The following GALNTL6 variants were observed in gnomAD, a reference collection of about 807,000 sequenced individuals.
The protein encoded by GALNTL6 is polypeptide N-acetylgalactosaminyltransferase-like 6.
A neutral mutation model predicts 73.7 loss-of-function variants in GALNTL6; 46 were observed. That is an observed-to-expected ratio of 0.62 (90% CI 0.49 to 0.80). GALNTL6 has a LOEUF of 0.80. Among genes scored for constraint, GALNTL6 ranks in the 30% least tolerant of loss-of-function variants. The pLI is 0.00. For synonymous variants in GALNTL6, 259 were observed against 263.7 expected, an observed-to-expected ratio of 0.98 and a Z score of 0.17; for missense variants, 604 against 755.0, an observed-to-expected ratio of 0.80 and a Z score of 2.34.
intron 5 of GALNTL6, among the ~76,000 whole-genome samples, chr4:172,715,713 G>T (rs1395095467): frequency 6.6e-6 from 1 of 152,040 alleles, no homozygotes; most frequent in Non-Finnish European, 1.5e-5. Context: ...TGATTTATTT[G>T]CTACTTTTTA....
chr4:172,281,497 C>T (rs1443597594), intron 3 of GALNTL6, among the ~76,000 whole-genome samples: 1 of 152,042 alleles, frequency 6.6e-6, no homozygotes, highest in Non-Finnish European at 1.5e-5. Flanking sequence ...GAGTTCAAGA[C>T]CAGCCTGGCA....
chr4:173,008,789 C>G (rs1433728312), intron 10 of GALNTL6, among the ~76,000 whole-genome samples: 1 of 152,168 alleles, frequency 6.6e-6, no homozygotes. Context: ...CACTGGAATT[C>G]AATATCTGCT....
chr4:172,049,622 C>T (rs1472149166), intron 2 of GALNTL6, among the ~76,000 whole-genome samples: 1 of 152,074 alleles, frequency 6.6e-6, no homozygotes, highest in South Asian at 2.1e-4. Flanking sequence ...TTCTCAAGAC[C>T]ACGTTTATTC....
At chr4:172,585,672 T>C (rs1737383233) in intron 5 of GALNTL6, among the ~76,000 whole-genome samples, 3 of 152,166 alleles carry the variant, frequency 2.0e-5, no homozygotes, top group Admixed American at 6.5e-5. Context: ...GGCATTTGAG[T>C]TGGTTCCAAG....
chr4:172,156,541 A>ATATATG (rs1734276378), intron 2 of GALNTL6, among the ~76,000 whole-genome samples: 1 of 7,414 alleles, frequency 1.3e-4, no homozygotes, highest in African/African-American at 2.6e-4. Flanking sequence ...TATATATATA[A>ATATATG]TATATATATA....
At chr4:172,607,250 A>G (rs1040321040) in intron 5 of GALNTL6, among the ~76,000 whole-genome samples, 2 of 152,150 alleles carry the variant, frequency 1.3e-5, no homozygotes, top group African/African-American at 4.8e-5. Context: ...CCAGGTAATA[A>G]GCACAGTATC....
At position 172,465,842 on chromosome 4, in the gene GALNTL6, C is replaced by A. The variant is rs117084157; in HGVS notation, c.553+117153C>A. Reference sequence around the variant, plus strand: ...CACACCTTTTATAAAAAATGTCCAGCAGTTGCATTTAGAAATATGTAATAA... The same window carrying A: ...CACACCTTTTATAAAAAATGTCCAGAAGTTGCATTTAGAAATATGTAATAA... On this transcript the variant is annotated intron_variant, in intron 5 of 12. Transcript: ENST00000506823. Among the ~76,000 whole-genome samples, 7 of 152,284 alleles carry A rather than the reference C, an allele frequency of 4.6e-5. No homozygotes were observed. The East Asian group carries it at 9.7e-4, about 21-fold the overall frequency.
intron 2 of GALNTL6, among the ~76,000 whole-genome samples, chr4:172,162,050 A>G (rs905192449): frequency 6.6e-6 from 1 of 152,070 alleles, no homozygotes; most frequent in African/African-American, 2.4e-5. Flanking sequence ...AAGTCGTACA[A>G]TGTAACAAGA....
chr4:172,625,045 A>G (rs532530674), intron 5 of GALNTL6, among the ~76,000 whole-genome samples: 1 of 151,938 alleles, frequency 6.6e-6, no homozygotes, highest in South Asian at 2.1e-4. Context: ...CGGGGTCTCA[A>G]TTTCTCTCAG....
intron 12 of GALNTL6, 91 bp from the exon 13 acceptor site, chr4:173,039,842 T>C: frequency 2.1e-6 from 2 of 967,088 alleles, no homozygotes; most frequent in South Asian, 1.7e-5. Context: ...TACTGAAATA[T>C]AAACAGAAAT....
intron 2 of GALNTL6, among the ~76,000 whole-genome samples, chr4:171,922,245 C>G (rs1332594376): frequency 2.0e-5 from 3 of 152,032 alleles, no homozygotes; most frequent in Non-Finnish European, 4.4e-5. Context: ...GGTAGTTAGG[C>G]TAATACGCTG....
At chr4:172,457,021 A>G (rs1732423322) in intron 5 of GALNTL6, among the ~76,000 whole-genome samples, 1 of 152,188 alleles carries the variant, frequency 6.6e-6, no homozygotes, top group African/African-American at 2.4e-5. Flanking sequence ...AAACCCTACA[A>G]GCCAGAAGAG....
intron 5 of GALNTL6, among the ~76,000 whole-genome samples, chr4:172,674,897 T>A (rs543504827): frequency 6.6e-6 from 1 of 152,330 alleles, no homozygotes; most frequent in South Asian, 2.1e-4. Flanking sequence ...ACTTTTAACT[T>A]CCTTGCACTG....
chr4:171,996,723 CAA>C (rs35734964), intron 2 of GALNTL6, among the ~76,000 whole-genome samples: 161 of 94,118 alleles, frequency 1.7e-3, no homozygotes, highest in Admixed American at 2.5e-3. Context: ...AGCTGACGAG[CAA>C]AAAAAAAAAA....
At chr4:172,722,009 G>A (rs1240946928) in intron 5 of GALNTL6, among the ~76,000 whole-genome samples, 1 of 147,146 alleles carries the variant, frequency 6.8e-6, no homozygotes. Flanking sequence ...TCCCAAAATC[G>A]TGACTCCCTA....
intron 2 of GALNTL6, among the ~76,000 whole-genome samples, chr4:172,061,487 C>T (rs886525225): frequency 1.3e-5 from 2 of 152,082 alleles, no homozygotes; most frequent in Non-Finnish European, 2.9e-5. Flanking sequence ...AAGAAAAGAA[C>T]TGTTTTGGTC....
chr4:171,844,452 T>A (rs1410795700), intron 2 of GALNTL6, among the ~76,000 whole-genome samples: 1 of 152,198 alleles, frequency 6.6e-6, no homozygotes, highest in East Asian at 1.9e-4. Flanking sequence ...CAAATTTCTG[T>A]GTAGATTGTA....
intron 5 of GALNTL6, among the ~76,000 whole-genome samples, chr4:172,681,150 G>A (rs1489748640): frequency 1.3e-5 from 2 of 152,100 alleles, no homozygotes; most frequent in East Asian, 3.9e-4. Flanking sequence ...AGGTAATCAA[G>A]CAGAATCTAT....
Position 171,861,351 on chromosome 4 carries a change from T to G in GALNTL6, c.138+46633T>G, listed in dbSNP as rs534499457. On this transcript the variant is annotated intron_variant, in intron 2 of 12. Coordinates refer to ENST00000506823, the MANE Select transcript of GALNTL6 (RefSeq NM_001034845.3). Reference sequence around the variant, plus strand: ...AGGCCAGTCCAGTTAACAGTTATTCTGTCAGTGTTGAAGTCACTACCAGTA... The same window carrying G: ...AGGCCAGTCCAGTTAACAGTTATTCGGTCAGTGTTGAAGTCACTACCAGTA... Among the ~76,000 whole-genome samples the G allele has an allele frequency of 6.6e-5, 10 of 152,318 alleles. No homozygotes were observed. The East Asian group carries it at 1.9e-3, about 29-fold the overall frequency.
Sources: allele counts gnomAD v4.1 joint callset (sites outside exome capture counted in the v4.1 genomes callset), GRCh38; gene constraint gnomAD v4.1.1; transcripts MANE v1.5; gene names NCBI Gene and HGNC (gene_info 2026-07-23, HGNC 2026-07-21).